Variants in RNF128 observed in about 807,000 individuals in gnomAD.
RNF128 encodes the protein ring finger protein 128.
RNF128 carries 13 observed loss-of-function variants against 26.2 expected under a neutral mutation model. The observed-to-expected ratio is 0.50, with a 90% confidence interval of 0.32 to 0.79. The LOEUF is 0.79. RNF128 is among the 30% of genes least tolerant of loss of function. The pLI is 0.03. For missense variants in RNF128, 315 were observed against 349.7 expected, an observed-to-expected ratio of 0.90 and a Z score of 0.79; for synonymous variants, 149 against 142.5, an observed-to-expected ratio of 1.05 and a Z score of -0.32.
rs766058359 is a variant in RNF128, at chrX:106,786,904, A to C, written c.805-1014A>C. 5.4e-5 allele frequency among the ~76,000 whole-genome samples: 6 copies of C among 111,937 alleles called. No individual in the cohort carries two copies. In the South Asian group the frequency reaches 2.2e-3, roughly 41 times the overall value. ...ACAAATTAAAGCCACAATGAAATAC[A>C]ACTACGCATTCATTAGAATGGCTAA... On this transcript the variant is annotated intron_variant, in intron 3 of 6. Coordinates refer to ENST00000255499, the MANE Select transcript of RNF128 (RefSeq NM_194463.2).
intron 1 of RNF128, among the ~76,000 whole-genome samples, chrX:106,767,437 T>G (rs1441503185): frequency 5.4e-5 from 6 of 111,503 alleles, no homozygotes; most frequent in Admixed American, 1.9e-4. Context: ...CACATCCTTT[T>G]TAAGTTAGAT....
At chrX:106,767,689 A>G (rs749261938) in intron 1 of RNF128, among the ~76,000 whole-genome samples, 1 of 111,390 alleles carries the variant, frequency 9.0e-6, no homozygotes, top group Admixed American at 9.6e-5. Flanking sequence ...CTCTTTTCCT[A>G]ATTGAATACT....
rs1279811139 is a variant in RNF128 at position 106,785,136 on chromosome X, G to A, written c.804G>A (p.Lys268=). 8.6e-7 allele frequency: 1 copy of A among 1,160,790 alleles called. No homozygotes were observed. The highest frequency in any genetic ancestry group is 1.2e-6 in the Non-Finnish European group (1 of 868,257). ...LQLRTLKQGD[K]EIGPDGDSCA... Reference sequence around the variant, plus strand: ...TACGCACACTGAAACAAGGAGACAAGGTACATTCATGACTTTTAAATGCTA... The same window carrying A: ...TACGCACACTGAAACAAGGAGACAAAGTACATTCATGACTTTTAAATGCTA... The change falls in exon 3 of 7, where the codon AAG becomes AAA. Residue 268 remains lysine, a splice_region_variant and synonymous_variant. Coordinates refer to ENST00000255499, the MANE Select transcript of RNF128 (RefSeq NM_194463.2).
intron 1 of RNF128, among the ~76,000 whole-genome samples, chrX:106,698,387 C>A (rs1257663658): frequency 1.8e-5 from 2 of 110,242 alleles, no homozygotes; most frequent in Non-Finnish European, 3.8e-5. Flanking sequence ...TCAACCAATT[C>A]CAGAGTAGTG....
chrX:106,771,480 C>G, intron 1 of RNF128, among the ~76,000 whole-genome samples: 1 of 112,907 alleles, frequency 8.9e-6, no homozygotes, highest in Non-Finnish European at 1.9e-5. Flanking sequence ...AGCCCCACTG[C>G]TGCCTTGCAG....
chrX:106,745,490 G>A (rs1020077087), intron 1 of RNF128, among the ~76,000 whole-genome samples: 24 of 111,672 alleles, frequency 2.1e-4, no homozygotes, highest in African/African-American at 7.1e-4. Context: ...AATACGTGAG[G>A]CCAGGTAAAG....
At chrX:106,726,252 T>C (rs1929390176), upstream of RNF128, among the ~76,000 whole-genome samples, 1 of 110,676 alleles carries the variant, frequency 9.0e-6, no homozygotes. Context: ...CAGCGCGCTT[T>C]TCCTGCCCTT....
intron 1 of RNF128, among the ~76,000 whole-genome samples, chrX:106,720,390 G>A (rs1388179643): frequency 1.8e-5 from 2 of 111,146 alleles, no homozygotes; most frequent in Non-Finnish European, 3.8e-5. Flanking sequence ...TATTTTTTAT[G>A]TTTTGTAGAG....
intron 2 of RNF128, among the ~76,000 whole-genome samples, chrX:106,777,741 G>A (rs1278443557): frequency 9.0e-6 from 1 of 111,478 alleles, no homozygotes; most frequent in Non-Finnish European, 1.9e-5. Context: ...AGGCCGAGGC[G>A]GGTGGATCGC....
At chrX:106,759,366 C>A (rs1930080851) in intron 1 of RNF128, among the ~76,000 whole-genome samples, 1 of 111,520 alleles carries the variant, frequency 9.0e-6, no homozygotes, top group Non-Finnish European at 1.9e-5. Flanking sequence ...CTATGTAGAA[C>A]AATATGGAGG....
At chrX:106,705,000 G>T (rs1929022575) in intron 1 of RNF128, among the ~76,000 whole-genome samples, 1 of 111,816 alleles carries the variant, frequency 8.9e-6, no homozygotes, top group African/African-American at 3.3e-5. Context: ...ACAGATTAGA[G>T]GTGAAAATGT....
intron 6 of RNF128, 66 bp downstream of exon 6, chrX:106,791,300 A>G (rs1490704605): frequency 5.9e-6 from 6 of 1,012,801 alleles, no homozygotes; most frequent in Non-Finnish European, 7.9e-6. Context: ...CCTGTATAGT[A>G]CTCTTGCTTT....
In RNF128 at chrX:106,773,177, T is replaced by G; in HGVS notation, c.732+17T>G. The G allele has an allele frequency of 7.6e-6, 9 of 1,187,312 alleles. No individual in the cohort carries two copies. The highest frequency in any genetic ancestry group is 1.0e-5 in the Non-Finnish European group (9 of 884,937). ...AGGAAGCAGGTTTGTAATGGTCCTTTCTTCCACTATTAAAAAAAATTTACT... is the reference window on the plus strand; with the variant it reads ...AGGAAGCAGGTTTGTAATGGTCCTTGCTTCCACTATTAAAAAAAATTTACT... On this transcript the variant is annotated intron_variant, in intron 2 of 6. Transcript: ENST00000255499.
intron 1 of RNF128, among the ~76,000 whole-genome samples, chrX:106,745,136 A>G (rs1929772891): frequency 8.9e-6 from 1 of 111,746 alleles, no homozygotes; most frequent in African/African-American, 3.2e-5. Flanking sequence ...CATCTACCAG[A>G]GAATTTTTGT....
chrX:106,737,096 G>C (rs1257311917), intron 1 of RNF128, among the ~76,000 whole-genome samples: 1 of 111,245 alleles, frequency 9.0e-6, no homozygotes, highest in Non-Finnish European at 1.9e-5. Flanking sequence ...ACTACATTTT[G>C]TTTTCTTAAT....
At chrX:106,785,629 C>T (rs1182285458) in intron 3 of RNF128, among the ~76,000 whole-genome samples, 1 of 111,733 alleles carries the variant, frequency 8.9e-6, no homozygotes, top group East Asian at 2.8e-4. Flanking sequence ...GCAGTATTGC[C>T]AATGCCTTGG....
At chrX:106,730,150 G>A (rs768176561) in intron 1 of RNF128, among the ~76,000 whole-genome samples, 19 of 112,092 alleles carry the variant, frequency 1.7e-4, no homozygotes, top group Non-Finnish European at 2.8e-4. Context: ...TAAAATTTTT[G>A]TTTAGGAGAA....
At chrX:106,700,736 A>G (rs1375260646) in intron 1 of RNF128, among the ~76,000 whole-genome samples, 4 of 111,435 alleles carry the variant, frequency 3.6e-5, no homozygotes, top group African/African-American at 1.3e-4. Flanking sequence ...TTTTCTATTC[A>G]TTTTTGCATA....
chrX:106,704,263 G>A (rs980559040), intron 1 of RNF128, among the ~76,000 whole-genome samples: 2 of 109,040 alleles, frequency 1.8e-5, no homozygotes, highest in African/African-American at 3.3e-5. Flanking sequence ...GTGAAACCCC[G>A]TCTCTACTAA....
Sources: gnomAD v4.1 joint callset for allele counts (sites outside exome capture counted in the v4.1 genomes callset) on GRCh38, gnomAD v4.1.1 for gene constraint, MANE v1.5 for transcripts, NCBI Gene and HGNC (gene_info 2026-07-23, HGNC 2026-07-21) for gene names.